Variants in IDO2 observed in about 807,000 individuals in gnomAD.
The protein encoded by IDO2 is indoleamine 2,3-dioxygenase-like 1 protein.
Under a neutral mutation model 45.1 loss-of-function variants are expected in IDO2, and 46 were observed. That is an observed-to-expected ratio of 1.02 (90% CI 0.80 to 1.30). The LOEUF (loss-of-function observed/expected upper bound fraction) is 1.30. Ranked by LOEUF, IDO2 falls within the 50% of genes most tolerant of loss-of-function variation. The pLI is 0.00. For missense variants in IDO2, 544 were observed against 491.8 expected (o/e 1.11, Z -1.00); for synonymous variants, 218 against 184.9 (o/e 1.18, Z -1.45).
intron 2 of IDO2, among the ~76,000 whole-genome samples, chr8:39,953,601 C>T (rs528027824): frequency 3.3e-5 from 5 of 152,176 alleles, no homozygotes; most frequent in South Asian, 2.1e-4. Context: ...TCCGCTTTGT[C>T]GCCCAGGCTA....
intron 3 of IDO2, among the ~76,000 whole-genome samples, chr8:39,969,465 C>T (rs777721008): frequency 8.5e-5 from 13 of 152,296 alleles, no homozygotes; most frequent in Non-Finnish European, 1.8e-4. Flanking sequence ...CTCTCCCCCT[C>T]CTCAGGCCTC....
intron 8 of IDO2, among the ~76,000 whole-genome samples, chr8:39,997,443 G>A (rs2129595066): frequency 6.6e-6 from 1 of 152,256 alleles, no homozygotes; most frequent in African/African-American, 2.4e-5. Flanking sequence ...GGAGGCCAAG[G>A]CAGGATCGCT....
intron 8 of IDO2, among the ~76,000 whole-genome samples, chr8:40,004,549 A>AGATAGAT (rs1802189100): frequency 6.6e-6 from 1 of 151,902 alleles, no homozygotes; most frequent in African/African-American, 2.4e-5. Context: ...ATAGATAGAT[A>AGATAGAT]GATAGATAGA....
intron 4 of IDO2, among the ~76,000 whole-genome samples, chr8:39,981,080 G>A (rs1169883259): frequency 1.7e-5 from 2 of 117,212 alleles, no homozygotes; most frequent in Non-Finnish European, 3.5e-5. Flanking sequence ...TTTTTTTTTC[G>A]AGACGGAGTC....
intron 8 of IDO2, among the ~76,000 whole-genome samples, chr8:40,003,443 A>T (rs1315271441): frequency 6.6e-6 from 1 of 151,586 alleles, no homozygotes; most frequent in East Asian, 1.9e-4. Flanking sequence ...ATTTCTTTCA[A>T]GATAAAGGGC....
intron 9 of IDO2, among the ~76,000 whole-genome samples, chr8:40,009,590 T>G (rs1286242596): frequency 6.6e-6 from 1 of 152,194 alleles, no homozygotes; most frequent in African/African-American, 2.4e-5. Context: ...AGTAGCAGCT[T>G]GGACCTGAGA....
chr8:39,987,834 T>A, intron 6 of IDO2, 37 bp from the exon 7 acceptor site: 2 of 1,280,298 alleles, frequency 1.6e-6, no homozygotes, highest in South Asian at 1.3e-5. Context: ...CGGTACAGTC[T>A]CCACACCTCT....
At chr8:40,003,671 G>A (rs958921539) in intron 8 of IDO2, among the ~76,000 whole-genome samples, 17 of 151,958 alleles carry the variant, frequency 1.1e-4, no homozygotes, top group African/African-American at 4.1e-4. Context: ...AAATCATATT[G>A]TTTGAGTAGC....
At chr8:39,949,796 T>A (rs554237780) in intron 2 of IDO2, among the ~76,000 whole-genome samples, 1 of 152,190 alleles carries the variant, frequency 6.6e-6, no homozygotes, top group Non-Finnish European at 1.5e-5. Flanking sequence ...TTATCTTGAC[T>A]TGCTAATGGT....
At chr8:40,001,598 T>A (rs1281710199) in intron 8 of IDO2, among the ~76,000 whole-genome samples, 3 of 152,012 alleles carry the variant, frequency 2.0e-5, no homozygotes, top group East Asian at 1.9e-4. Context: ...TTGTTTTTTT[T>A]AATGTTTTTT....
Position 39,955,994 on chromosome 8 carries a change from G to C in IDO2, c.99+6730G>C, listed in dbSNP as rs974998709. Among the ~76,000 whole-genome samples, 19 of 150,950 alleles carry C rather than the reference G, an allele frequency of 1.3e-4. 1 individual carries two copies. In the South Asian group the frequency reaches 3.6e-3, roughly 28 times the overall value. ...ATAGCAACAGTGGATAGTTGCCTTG[G>C]TTAGTGTTATTATTTCAAGGATTAA... On this transcript the variant is annotated intron_variant, in intron 2 of 10. Transcript: ENST00000502986.
At chr8:39,943,751 A>AG (rs1807686852) in intron 1 of IDO2, among the ~76,000 whole-genome samples, 1 of 151,688 alleles carries the variant, frequency 6.6e-6, no homozygotes, top group African/African-American at 2.4e-5. Flanking sequence ...AAAAAAAAAA[A>AG]AAAAAAAGGA....
chr8:40,005,925 A>G (rs567784432), intron 9 of IDO2, among the ~76,000 whole-genome samples: 1 of 152,302 alleles, frequency 6.6e-6, no homozygotes, highest in Admixed American at 6.5e-5. Context: ...CCTGAGTGGA[A>G]CTAATGCCCT....
intron 8 of IDO2, among the ~76,000 whole-genome samples, chr8:40,001,613 A>C (rs968036992): frequency 6.7e-6 from 1 of 148,862 alleles, no homozygotes; most frequent in African/African-American, 2.5e-5. Context: ...TTTTTTGTAC[A>C]CTCTGAAGGC....
intron 3 of IDO2, 129 bp from the exon 4 acceptor site, chr8:39,978,938 C>A: frequency 1.2e-6 from 1 of 831,424 alleles, no homozygotes; most frequent in Non-Finnish European, 1.9e-6. Context: ...GCTCTTTGTA[C>A]CTTCATTAAA....
At chr8:39,992,093 C>T (rs1355903643) in intron 8 of IDO2, among the ~76,000 whole-genome samples, 2 of 152,242 alleles carry the variant, frequency 1.3e-5, no homozygotes, top group Non-Finnish European at 2.9e-5. Flanking sequence ...AAAGATGGCC[C>T]CATGCCATCC....
At chr8:39,965,167 G>A (rs982972706) in intron 3 of IDO2, among the ~76,000 whole-genome samples, 2 of 152,206 alleles carry the variant, frequency 1.3e-5, no homozygotes, top group Non-Finnish European at 2.9e-5. Context: ...CTAAAATTGA[G>A]TGTGAAATCT....
At chr8:39,997,373 T>TA (rs34828012) in intron 8 of IDO2, among the ~76,000 whole-genome samples, 50 of 148,232 alleles carry the variant, frequency 3.4e-4, no homozygotes, top group Admixed American at 8.8e-4. Flanking sequence ...AAATCCAAAG[T>TA]AAAAAAAAAA....
In IDO2 at chr8:39,979,057, T is replaced by A; in HGVS notation, c.196-10T>A. The A allele has an allele frequency of 6.4e-7, 1 of 1,570,616 alleles. No individual in the cohort carries two copies. The highest frequency in any genetic ancestry group is 8.6e-7 in the Non-Finnish European group (1 of 1,157,902). ...CCCTCCTCTGACGGCATTTGGACTT[T>A]CATGAACAGATGCCCCTGCTGAGCT... On this transcript the variant is annotated splice_polypyrimidine_tract_variant and intron_variant, in intron 3 of 10. Transcript: ENST00000502986.
Sources: allele counts gnomAD v4.1 joint callset (sites outside exome capture counted in the v4.1 genomes callset), GRCh38; gene constraint gnomAD v4.1.1; transcripts MANE v1.5; gene names NCBI Gene and HGNC (gene_info 2026-07-23, HGNC 2026-07-21).